The following DYNC2LI1 variants were observed in gnomAD, a reference collection of about 807,000 sequenced individuals.
DYNC2LI1 encodes the protein cytoplasmic dynein 2 light intermediate chain 1.
DYNC2LI1 carries 45 observed loss-of-function variants against 51.9 expected under a neutral mutation model. The observed-to-expected ratio is 0.87, with a 90% CI of 0.68 to 1.11. DYNC2LI1 has a LOEUF of 1.11. Ranked by LOEUF, DYNC2LI1 falls within the 50% of genes most tolerant of loss-of-function variation. The probability of loss-of-function intolerance (pLI) is 0.00; values close to 1 mark genes in which losing one functional copy is unlikely to be tolerated. For synonymous variants in DYNC2LI1, 130 were observed against 137.8 expected, an observed-to-expected ratio of 0.94 and a Z score of 0.40; for missense variants, 490 against 417.4, an observed-to-expected ratio of 1.17 and a Z score of -1.51.
chr2:43,787,249 C>A lies in DYNC2LI1; in HGVS notation c.230C>A (p.Thr77Lys). The change falls in exon 4 of 13, where the codon ACA (threonine) becomes AAA (lysine). Residue 77 changes from threonine to lysine, a missense_variant and splice_region_variant. By Grantham distance (78) the Thr-to-Lys change is moderately conservative (BLOSUM62 -1). Transcript: ENST00000260605. Reference protein sequence around the residue: ...TYGRRAKGHNTPKDIAHFWEL... With the variant: ...TYGRRAKGHNKPKDIAHFWEL... Reference sequence around the variant, plus strand: ...GGAAGAAGAGCAAAAGGGCACAACACAGTAAGTGTCTTTTAAAGTGACATT... The same window carrying A: ...GGAAGAAGAGCAAAAGGGCACAACAAAGTAAGTGTCTTTTAAAGTGACATT... 1 of 1,610,942 alleles carries A rather than the reference C, an allele frequency of 6.2e-7. No homozygotes were observed. Among genetic ancestry groups the A allele is most frequent in the South Asian group, 1.1e-5 (1 of 90,738 alleles).
intron 12 of DYNC2LI1, among the ~76,000 whole-genome samples, chr2:43,808,341 T>C (rs1351039864): frequency 1.3e-5 from 2 of 152,158 alleles, no homozygotes; most frequent in African/African-American, 4.8e-5. Flanking sequence ...TAAATTTTAG[T>C]AACTTAGGGT....
At chr2:43,790,905 G>A (rs1673751727) in intron 5 of DYNC2LI1, among the ~76,000 whole-genome samples, 1 of 152,100 alleles carries the variant, frequency 6.6e-6, no homozygotes, top group Non-Finnish European at 1.5e-5. Flanking sequence ...ATAGTGCCTA[G>A]TGGTGTGGTT....
At chr2:43,779,692 A>C in intron 2 of DYNC2LI1, among the ~76,000 whole-genome samples, 1 of 152,352 alleles carries the variant, frequency 6.6e-6, no homozygotes, top group South Asian at 2.1e-4. Flanking sequence ...AGGAAAGAGA[A>C]GTAATTCAGG....
chr2:43,786,027 A>T lies in DYNC2LI1; in HGVS notation c.162-1154A>T, dbSNP rs1167817156. Among the ~76,000 whole-genome samples, 3 of 152,216 alleles carry T rather than the reference A, an allele frequency of 2.0e-5. No homozygotes were observed. The East Asian group carries it at 5.8e-4, about 29-fold the overall frequency. Reference sequence around the variant, plus strand: ...TACACCATAAAACTGCTTACCAGCAATATAAGCTATAGTATAAATAATTCA... The same window carrying T: ...TACACCATAAAACTGCTTACCAGCATTATAAGCTATAGTATAAATAATTCA... On this transcript the variant is annotated intron_variant, in intron 3 of 12. Transcript: ENST00000260605.
At chr2:43,828,052 T>G in the DYNC2LI1 span, 1 of 1,614,126 alleles carries the variant, frequency 6.2e-7, no homozygotes, top group South Asian at 1.1e-5. Flanking sequence ...CCCCCCAAGC[T>G]GTAGTTGCCA....
At chr2:43,815,159 A>G in the DYNC2LI1 span, among the ~76,000 whole-genome samples, 1 of 152,226 alleles carries the variant, frequency 6.6e-6, no homozygotes, top group African/African-American at 2.4e-5. Context: ...ATACAAAGGA[A>G]AAAGGAAGGA....
At chr2:43,793,638 A>AGGCTGGT (rs1673897118) in intron 5 of DYNC2LI1, 1 of 146,542 alleles carries the variant, frequency 6.8e-6, no homozygotes, top group Non-Finnish European at 1.5e-5. Context: ...TTGGGGTCTC[A>AGGCTGGT]CTATGTTGCC....
At chr2:43,813,171 A>G, downstream of DYNC2LI1, 1 of 1,510,884 alleles carries the variant, frequency 6.6e-7, no homozygotes, top group Non-Finnish European at 9.2e-7. Context: ...TAGGATGACA[A>G]GAGCTGGAAT....
Position 43,804,666 on chromosome 2 carries a change from A to T in DYNC2LI1, c.827A>T (p.Asp276Val), listed in dbSNP as rs547830293. 6.2e-7 allele frequency: 1 copy of T among 1,606,870 alleles called. No homozygotes were observed. The highest frequency in any genetic ancestry group is 2.2e-5 in the East Asian group (1 of 44,756). ...GGATCTCCTCCTGTTCCTGAAAATG[A>T]CATTGGAAAGCTTCATGCCCACTCA... is the stretch of plus-strand genomic sequence containing the variant. ...QIGSPPVPEN[D>V]IGKLHAHSPM... Residue 276 changes from aspartate (D) to valine (V), a missense_variant, in exon 11 of 13, where the codon GAC becomes GTC. By Grantham distance (152) the Asp-to-Val change is radical. Transcript: ENST00000260605.
chr2:43,805,440 A>G (rs1425095982), intron 12 of DYNC2LI1, 194 bp downstream of exon 12: 3 of 321,144 alleles, frequency 9.3e-6, no homozygotes, highest in Non-Finnish European at 1.7e-5. Flanking sequence ...TTTGATATGA[A>G]TAAAGAAAAA....
chr2:43,822,777 T>A, the DYNC2LI1 span: 12 of 1,613,958 alleles, frequency 7.4e-6, no homozygotes, highest in Non-Finnish European at 1.0e-5. Flanking sequence ...CGGCCCTGGG[T>A]GAACTGAACA....
At chr2:43,804,211 T>A (rs762904501) in intron 10 of DYNC2LI1, among the ~76,000 whole-genome samples, 2 of 152,208 alleles carry the variant, frequency 1.3e-5, no homozygotes, top group Non-Finnish European at 2.9e-5. Context: ...AGAGCATGGC[T>A]ATGCATAGTA....
chr2:43,824,410 G>T, the DYNC2LI1 span: 2 of 1,613,886 alleles, frequency 1.2e-6, no homozygotes, highest in South Asian at 1.1e-5. Context: ...CCTTGCTTTG[G>T]GTATCCACTG....
At chr2:43,802,216 C>T (rs940760059) in intron 10 of DYNC2LI1, among the ~76,000 whole-genome samples, 1 of 152,070 alleles carries the variant, frequency 6.6e-6, no homozygotes, top group East Asian at 1.9e-4. Context: ...CTCATAGACT[C>T]TATAGGCTTC....
chr2:43,823,810 C>G, the DYNC2LI1 span: 8 of 1,380,128 alleles, frequency 5.8e-6, no homozygotes, highest in Non-Finnish European at 7.9e-6. Flanking sequence ...CTGGGTTTAG[C>G]TCAGAGAAAA....
chr2:43,784,511 C>T (rs1673431244), intron 3 of DYNC2LI1, among the ~76,000 whole-genome samples: 1 of 151,968 alleles, frequency 6.6e-6, no homozygotes, highest in East Asian at 1.9e-4. Flanking sequence ...GCCATCTCGG[C>T]TCACTGCAAC....
At chr2:43,779,117 G>C (rs1339941286) in intron 2 of DYNC2LI1, among the ~76,000 whole-genome samples, 1 of 151,952 alleles carries the variant, frequency 6.6e-6, no homozygotes, top group Non-Finnish European at 1.5e-5. Flanking sequence ...CAATTAGCCG[G>C]GTGTGGTGGC....
chr2:43,796,430 T>C lies in DYNC2LI1; in HGVS notation c.577-288T>C, dbSNP rs188257727. ...AAAGTAGAAAATTAGTTCCTTCTTATCTTTGCTTGTCAGAGAATCGTTAGA... is the reference window on the plus strand; with the variant it reads ...AAAGTAGAAAATTAGTTCCTTCTTACCTTTGCTTGTCAGAGAATCGTTAGA... On this transcript the variant is annotated intron_variant, in intron 7 of 12. Coordinates refer to ENST00000260605, the MANE Select transcript of DYNC2LI1 (RefSeq NM_016008.4). 2.3e-4 allele frequency among the ~76,000 whole-genome samples: 35 copies of C among 152,336 alleles called. 1 individual carries two copies. In the East Asian group the frequency reaches 5.0e-3, roughly 22 times the overall value.
At chr2:43,797,453 A>T (rs757313642) in intron 8 of DYNC2LI1, among the ~76,000 whole-genome samples, 1 of 151,644 alleles carries the variant, frequency 6.6e-6, no homozygotes, top group Non-Finnish European at 1.5e-5. Flanking sequence ...CACTGTTATC[A>T]TTATCTCCCA....
Sources: gnomAD v4.1 joint callset for allele counts (sites outside exome capture counted in the v4.1 genomes callset) on GRCh38, gnomAD v4.1.1 for gene constraint, MANE v1.5 for transcripts, NCBI Gene and HGNC (gene_info 2026-07-23, HGNC 2026-07-21) for gene names.